NBEA: variants seen among roughly 807,000 people sequenced by gnomAD.
The protein encoded by NBEA is lysosomal-trafficking regulator 2.
In NBEA, 44 loss-of-function variants were observed where a neutral mutation model predicts 343.4. That is an observed-to-expected ratio of 0.13 (90% CI 0.10 to 0.16). The LOEUF is 0.16. Among genes scored for constraint, NBEA ranks in the 10% least tolerant of loss-of-function variants. The probability of loss-of-function intolerance (pLI) is 1.00; values close to 1 mark genes in which losing one functional copy is unlikely to be tolerated. For synonymous variants in NBEA, 1,175 were observed against 1,238.7 expected, an observed-to-expected ratio of 0.95 and a Z score of 1.08; for missense variants, 2,555 against 3,631.3, an observed-to-expected ratio of 0.70 and a Z score of 7.62.
intron 40 of NBEA, among the ~76,000 whole-genome samples, chr13:35,469,099 C>CAAAA (rs34222156): frequency 2.0e-3 from 172 of 84,100 alleles, no homozygotes; most frequent in Admixed American, 3.3e-3. Context: ...GACTCTATCT[C>CAAAA]AAAAAAAAAA....
intron 38 of NBEA, among the ~76,000 whole-genome samples, chr13:35,423,050 C>A (rs1267530920): frequency 6.6e-6 from 1 of 151,938 alleles, no homozygotes; most frequent in Non-Finnish European, 1.5e-5. Flanking sequence ...GGATATTAGC[C>A]CTTTGTCAGA....
At chr13:35,471,147 G>C (rs2075626550) in intron 40 of NBEA, among the ~76,000 whole-genome samples, 1 of 152,176 alleles carries the variant, frequency 6.6e-6, no homozygotes, top group African/African-American at 2.4e-5. Context: ...TTGTAATCGC[G>C]ACAGAAGCCA....
At chr13:35,526,997 C>A (rs931320026) in intron 41 of NBEA, among the ~76,000 whole-genome samples, 10 of 152,052 alleles carry the variant, frequency 6.6e-5, no homozygotes, top group African/African-American at 2.4e-4. Context: ...TAGGTCTGGG[C>A]TCCCTGAAGG....
In NBEA at chr13:35,655,718, G is replaced by A. The variant is rs767038648; in HGVS notation, c.8331G>A (p.Arg2777=). 1.2e-6 allele frequency: 2 copies of A among 1,613,776 alleles called. No individual in the cohort carries two copies. The highest frequency in any genetic ancestry group is 1.7e-6 in the Non-Finnish European group (2 of 1,179,812). The change falls in exon 55 of 59, where the codon CGG becomes CGA. Residue 2777 remains arginine (R), a synonymous_variant. Coordinates refer to ENST00000379939, the MANE Select transcript of NBEA (RefSeq NM_001385012.1). ...ATLLLWYWSG[R]HHIIGDNPNS... is the part of the protein sequence containing the mutation. ...TGCTGCTCTGGTACTGGAGTGGGCG[G>A]CACCATATCATAGGAGACAACCCTA...
At chr13:35,088,550 T>G (rs1173688634) in intron 10 of NBEA, among the ~76,000 whole-genome samples, 1 of 151,882 alleles carries the variant, frequency 6.6e-6, no homozygotes, top group Admixed American at 6.6e-5. Context: ...AAATTTGGCT[T>G]TTCCAGTGTA....
intron 36 of NBEA, among the ~76,000 whole-genome samples, chr13:35,343,230 A>G (rs1233043502): frequency 2.6e-5 from 4 of 152,082 alleles, no homozygotes; most frequent in Admixed American, 1.3e-4. Flanking sequence ...TTTCAAATAA[A>G]TAACCTCAAA....
At chr13:35,550,831 A>G in intron 42 of NBEA, 99 bp from the exon 43 acceptor site, 1 of 742,352 alleles carries the variant, frequency 1.3e-6, no homozygotes. Context: ...CATTAGCTTT[A>G]CAAATAAATC....
At chr13:34,980,585 T>G (rs1189025091) in intron 1 of NBEA, among the ~76,000 whole-genome samples, 1 of 152,010 alleles carries the variant, frequency 6.6e-6, no homozygotes, top group Non-Finnish European at 1.5e-5. Context: ...TGGGAGGTGA[T>G]TAAGTAATGA....
chr13:35,461,971 C>T (rs1030783630), intron 40 of NBEA, among the ~76,000 whole-genome samples: 1 of 152,106 alleles, frequency 6.6e-6, no homozygotes, highest in South Asian at 2.1e-4. Flanking sequence ...CAGTTCAAGT[C>T]ATCAGTCCAA....
At chr13:35,126,228 T>G (rs2067127621) in intron 17 of NBEA, among the ~76,000 whole-genome samples, 1 of 152,164 alleles carries the variant, frequency 6.6e-6, no homozygotes, top group South Asian at 2.1e-4. Context: ...CTTCCTGCCC[T>G]GTGAAGAAGG....
intron 38 of NBEA, among the ~76,000 whole-genome samples, chr13:35,369,744 T>C (rs973521239): frequency 1.3e-5 from 2 of 151,952 alleles, no homozygotes; most frequent in African/African-American, 4.8e-5. Flanking sequence ...GAAGAGGTTT[T>C]TGGTGGAGTC....
At chr13:35,492,871 C>A (rs144636453) in intron 41 of NBEA, among the ~76,000 whole-genome samples, 12 of 151,860 alleles carry the variant, frequency 7.9e-5, no homozygotes, top group African/African-American at 2.7e-4. Flanking sequence ...TGGGAGATAA[C>A]GATGCTGAAT....
At position 35,160,041 on chromosome 13, in the gene NBEA, C is replaced by A; in HGVS notation, c.3861+9C>A. 6.5e-7 allele frequency: 1 copy of A among 1,539,498 alleles called. No homozygotes were observed. Among genetic ancestry groups the A allele is most frequent in the African/African-American group, 1.4e-5 (1 of 72,192 alleles). On this transcript the variant is annotated intron_variant, in intron 22 of 58. Coordinates refer to ENST00000379939, the MANE Select transcript of NBEA (RefSeq NM_001385012.1). Reference sequence around the variant, plus strand: ...CAACTACTACGACACAAGTAAGCTACCTTATATGAGTTCTAGAAATAAATA... The same window carrying A: ...CAACTACTACGACACAAGTAAGCTAACTTATATGAGTTCTAGAAATAAATA...
chr13:35,259,806 G>A (rs1395548542), intron 34 of NBEA, among the ~76,000 whole-genome samples: 3 of 152,066 alleles, frequency 2.0e-5, no homozygotes, highest in African/African-American at 7.2e-5. Context: ...AGGTATGTAA[G>A]TTATTTGGGT....
chr13:35,194,029 A>C (rs2072401476), intron 30 of NBEA, among the ~76,000 whole-genome samples: 1 of 151,930 alleles, frequency 6.6e-6, no homozygotes, highest in African/African-American at 2.4e-5. Context: ...GGGAGAAAAA[A>C]ATGGGAGATT....
intron 24 of NBEA, among the ~76,000 whole-genome samples, chr13:35,165,439 A>G (rs1248074718): frequency 2.6e-5 from 4 of 152,202 alleles, no homozygotes; most frequent in Non-Finnish European, 5.9e-5. Flanking sequence ...GAGGAATGCA[A>G]CAGAGCAAGT....
intron 1 of NBEA, among the ~76,000 whole-genome samples, chr13:34,977,023 G>A (rs1056190688): frequency 2.0e-5 from 3 of 147,542 alleles, no homozygotes; most frequent in African/African-American, 5.0e-5. Flanking sequence ...TCACCGTAAC[G>A]TCTGCCTCCC....
At chr13:35,587,352 A>G (rs1486749886) in intron 46 of NBEA, among the ~76,000 whole-genome samples, 2 of 152,188 alleles carry the variant, frequency 1.3e-5, no homozygotes, top group South Asian at 4.1e-4. Context: ...GGGACCACCA[A>G]AACTGTTAGC....
intron 40 of NBEA, among the ~76,000 whole-genome samples, chr13:35,460,706 C>T (rs1304869294): frequency 6.6e-6 from 1 of 152,248 alleles, no homozygotes; most frequent in South Asian, 2.1e-4. Flanking sequence ...TCCTTGATAA[C>T]CAAACTGTGT....
Sources: gnomAD v4.1 joint callset for allele counts (sites outside exome capture counted in the v4.1 genomes callset) on GRCh38, gnomAD v4.1.1 for gene constraint, MANE v1.5 for transcripts, NCBI Gene and HGNC (gene_info 2026-07-23, HGNC 2026-07-21) for gene names.